The following FLNB variants were observed in gnomAD, a reference collection of about 807,000 sequenced individuals.
The protein encoded by FLNB is filamin-B.
A neutral mutation model predicts 250.6 loss-of-function variants in FLNB; 111 were observed. That is an observed-to-expected ratio of 0.44 (90% CI 0.38 to 0.52). FLNB has a LOEUF of 0.52. Among genes scored for constraint, FLNB ranks in the 20% least tolerant of loss-of-function variants. The pLI is 0.00. For missense variants in FLNB, 2,869 were observed against 3,447.8 expected (o/e 0.83, Z 4.20); for synonymous variants, 1,302 against 1,372.1 (o/e 0.95, Z 1.13).
Position 58,169,823 on chromosome 3 carries a change from G to GGGGGGC in FLNB, c.7621+30_7621+31insGGGGGC. On this transcript the variant is annotated intron_variant, in intron 45 of 45. Coordinates refer to ENST00000295956, the MANE Select transcript of FLNB (RefSeq NM_001457.4). The surrounding 1 kb of genome is among the most constrained non-coding windows in gnomAD (Gnocchi z 4.8). ...GTGTCTGGGCCTTTTCAAGGGTGGG[G>GGGGGGC]TGGGGCAGGGGCAGGCTGGGCACCC... is the stretch of plus-strand genomic sequence containing the variant. The GGGGGGC allele has an allele frequency of 7.0e-7, 1 of 1,436,456 alleles. No individual in the cohort carries two copies. 89.0% of individuals were successfully genotyped at this position (1,436,456 alleles called of 1,614,324 possible). A position where few individuals can be genotyped will look rare whatever the true frequency, so the allele number is the denominator to read the frequency against.
intron 1 of FLNB, among the ~76,000 whole-genome samples, chr3:58,047,753 T>TA: frequency 6.6e-6 from 1 of 152,132 alleles, no homozygotes; most frequent in East Asian, 1.9e-4. Context: ...TTTGTATTTT[T>TA]AGTAGAGATG....
At chr3:58,013,551 G>A (rs1409165663) in intron 1 of FLNB, among the ~76,000 whole-genome samples, 6 of 152,210 alleles carry the variant, frequency 3.9e-5, no homozygotes, top group African/African-American at 1.4e-4. Context: ...TTGGCCGGAC[G>A]TGGTGGCTCA....
At chr3:58,092,188 C>G (rs1033707569) in intron 4 of FLNB, among the ~76,000 whole-genome samples, 1 of 152,114 alleles carries the variant, frequency 6.6e-6, no homozygotes, top group African/African-American at 2.4e-5. Flanking sequence ...CGAATTAATC[C>G]TAGTACACAC....
intron 1 of FLNB, among the ~76,000 whole-genome samples, chr3:58,072,742 C>T (rs558118402): frequency 5.8e-4 from 88 of 152,246 alleles, no homozygotes; most frequent in African/African-American, 2.0e-3. Flanking sequence ...CCCAATGAGA[C>T]CATAAAGGGG....
Position 58,143,588 on chromosome 3 carries a change from C to G in FLNB, c.5400C>G (p.Ile1800Met), listed in dbSNP as rs2097330828. 2 of 1,614,114 alleles carry G rather than the reference C, an allele frequency of 1.2e-6. No individual in the cohort carries two copies. The highest frequency in any genetic ancestry group is 1.7e-6 in the Non-Finnish European group (2 of 1,180,034). The change falls in exon 32 of 46, where the codon ATC becomes ATG. Residue 1800 changes from isoleucine to methionine, a missense_variant. Around this residue, in one of 5 missense-constraint regions of FLNB, gnomAD observed 1,084 missense variants for 1,315.5 expected, o/e 0.82. Coordinates refer to ENST00000295956, the MANE Select transcript of FLNB (RefSeq NM_001457.4). ...PTEVGLHEMH[I>M]KYMGSHIPES... ...AGGTCGGGCTCCATGAGATGCACAT[C>G]AAATACATGGGCAGCCACATCCCTG...
At chr3:58,061,814 GGGTGT>G (rs1474455355) in intron 1 of FLNB, among the ~76,000 whole-genome samples, 2 of 151,872 alleles carry the variant, frequency 1.3e-5, no homozygotes, top group Non-Finnish European at 2.9e-5. Flanking sequence ...TGGGGGGGCT[GGGTGT>G]GGTGGCTCAT....
At position 58,121,385 on chromosome 3, in the gene FLNB, C is replaced by G. The variant is rs1178934749; in HGVS notation, c.3008C>G (p.Thr1003Arg). Residue 1003 changes from threonine (T) to arginine (R), a missense_variant, in exon 20 of 46, where the codon ACG becomes AGG. Thr to Arg is a moderately conservative substitution (Grantham distance 71, BLOSUM62 -1). Coordinates refer to ENST00000295956, the MANE Select transcript of FLNB (RefSeq NM_001457.4). ...CCTGTGACAGGCCGGGAGAACAGCA[C>G]GGCCAAGTTCATCCCTCGGGAGGAG... ...VTPVTGRENS[T>R]AKFIPREEGL... The G allele has an allele frequency of 6.2e-7, 1 of 1,614,118 alleles. No individual in the cohort carries two copies. The highest frequency in any genetic ancestry group is 1.1e-5 in the South Asian group (1 of 91,074).
At chr3:58,145,495 G>A (rs1432114527) in intron 32 of FLNB, among the ~76,000 whole-genome samples, 1 of 152,170 alleles carries the variant, frequency 6.6e-6, no homozygotes, top group African/African-American at 2.4e-5. Context: ...GAGTCGGGGT[G>A]GGCAGAGAAG....
chr3:58,057,294 A>G (rs992378426), intron 1 of FLNB, among the ~76,000 whole-genome samples: 1 of 152,212 alleles, frequency 6.6e-6, no homozygotes, highest in Non-Finnish European at 1.5e-5. Flanking sequence ...ACTTCTATAA[A>G]TAGCAAAGTT....
chr3:58,115,279 C>A (rs528613527), intron 18 of FLNB, among the ~76,000 whole-genome samples: 2 of 152,286 alleles, frequency 1.3e-5, no homozygotes, highest in African/African-American at 2.4e-5. Flanking sequence ...TCTCCATATT[C>A]TTTAGGAGAA....
At chr3:58,134,118 C>A (rs148976064) in intron 26 of FLNB, among the ~76,000 whole-genome samples, 1 of 152,174 alleles carries the variant, frequency 6.6e-6, no homozygotes, top group Non-Finnish European at 1.5e-5. Context: ...TGTGGGTGCA[C>A]GGCATGTTAG....
chr3:58,024,460 G>C (rs956128110), intron 1 of FLNB, among the ~76,000 whole-genome samples: 1 of 151,944 alleles, frequency 6.6e-6, no homozygotes, highest in Non-Finnish European at 1.5e-5. Context: ...CTCCTTTCCC[G>C]TCTTTCACAC....
At chr3:58,094,237 G>C (rs189230504) in intron 4 of FLNB, among the ~76,000 whole-genome samples, 14 of 152,198 alleles carry the variant, frequency 9.2e-5, no homozygotes, top group Admixed American at 9.2e-4. Context: ...GTGCCACCAC[G>C]TTGTATTTTT....
chr3:58,055,338 G>A (rs77792829), intron 1 of FLNB, among the ~76,000 whole-genome samples: 8,787 of 152,108 alleles, frequency 0.058, 817 homozygotes, highest in African/African-American at 0.2. Context: ...GGTAGGGTAC[G>A]GTAGAAGGTG....
At chr3:58,018,217 AG>A (rs2097108513) in intron 1 of FLNB, among the ~76,000 whole-genome samples, 1 of 152,142 alleles carries the variant, frequency 6.6e-6, no homozygotes, top group South Asian at 2.1e-4. Flanking sequence ...AGAAAAGAAA[AG>A]AACTTTTATC....
At chr3:58,024,935 T>C (rs1227227627) in intron 1 of FLNB, among the ~76,000 whole-genome samples, 1 of 150,418 alleles carries the variant, frequency 6.6e-6, no homozygotes, top group African/African-American at 2.4e-5. Flanking sequence ...ATGGTCTCAA[T>C]CTCTTGACCT....
At chr3:58,085,623 A>G (rs1375511489) in intron 4 of FLNB, among the ~76,000 whole-genome samples, 1 of 152,234 alleles carries the variant, frequency 6.6e-6, no homozygotes, top group African/African-American at 2.4e-5. Flanking sequence ...ACCTCCAGCC[A>G]CAAACAGATC....
Position 58,142,598 on chromosome 3 carries a change from C to A in FLNB, c.5182-52C>A. The A allele has an allele frequency of 6.7e-7, 1 of 1,486,174 alleles. No homozygotes were observed. The highest frequency in any genetic ancestry group is 9.4e-7 in the Non-Finnish European group (1 of 1,065,710). The allele number at this position is 1,486,174 out of a possible 1,614,324, so 92.1% of individuals were successfully genotyped here. A position where few individuals can be genotyped will look rare whatever the true frequency, so the allele number is the denominator to read the frequency against. On this transcript the variant is annotated intron_variant, in intron 30 of 45. Coordinates refer to ENST00000295956, the MANE Select transcript of FLNB (RefSeq NM_001457.4). The surrounding 1 kb of genome is among the most constrained non-coding windows in gnomAD (Gnocchi z 4.3). ...GCAGCTCTAACCCCTGTAGCTTCAC[C>A]AGCTCCCGCTGTTGTCTGCTTTACC...
intron 1 of FLNB, among the ~76,000 whole-genome samples, chr3:58,050,924 T>C (rs704529): frequency 0.44 from 67,593 of 152,124 alleles, 16,040 homozygotes; most frequent in African/African-American, 0.61. Context: ...AGCGCTGCTG[T>C]TGGGATGCTC....
Sources: gnomAD v4.1 joint callset for allele counts (sites outside exome capture counted in the v4.1 genomes callset) on GRCh38, gnomAD v4.1.1 for gene constraint, gnomAD v4.1.1 regional missense constraint, Gnocchi (gnomAD v3.1) non-coding constraint, MANE v1.5 for transcripts, NCBI Gene and HGNC (gene_info 2026-07-23, HGNC 2026-07-21) for gene names.